SWT1: variants seen among roughly 807,000 people sequenced by gnomAD.
The protein encoded by SWT1 is SWT1 RNA endoribonuclease homolog, also known as transcriptional protein SWT1.
SWT1 carries 33 observed loss-of-function variants against 107.3 expected under a neutral mutation model. That is an observed-to-expected ratio of 0.31 (90% CI 0.23 to 0.41). The LOEUF is 0.41. SWT1 is among the 10% of genes least tolerant of loss of function. The pLI is 1.00. For missense variants in SWT1, 898 were observed against 1,028.9 expected (o/e 0.87, Z 1.74); for synonymous variants, 345 against 348.3 (o/e 0.99, Z 0.11).
intron 16 of SWT1, among the ~76,000 whole-genome samples, chr1:185,257,317 A>C (rs1172992840): frequency 7.9e-5 from 12 of 152,040 alleles, no homozygotes; most frequent in Middle Eastern, 3.4e-3. Context: ...ACCCAGTTCG[A>C]GCTTCCTGGC....
intron 9 of SWT1, among the ~76,000 whole-genome samples, chr1:185,189,096 G>A (rs920180055): frequency 1.3e-5 from 2 of 151,806 alleles, no homozygotes; most frequent in African/African-American, 2.4e-5. Context: ...CTCCCTCCTC[G>A]GCCTCCTGAG....
intron 16 of SWT1, among the ~76,000 whole-genome samples, chr1:185,258,601 G>A (rs1014250412): frequency 2.6e-5 from 4 of 151,950 alleles, no homozygotes; most frequent in Non-Finnish European, 5.9e-5. Flanking sequence ...ATTCTAGATT[G>A]ACTATTATTT....
chr1:185,163,539 A>G (rs1444920190), intron 2 of SWT1, among the ~76,000 whole-genome samples: 1 of 151,748 alleles, frequency 6.6e-6, no homozygotes, highest in Admixed American at 6.6e-5. Context: ...GACTACAGGC[A>G]CCCGCCACCA....
At chr1:185,264,378 C>G in intron 16 of SWT1, 1 of 985,164 alleles carries the variant, frequency 1.0e-6, no homozygotes, top group South Asian at 4.7e-5. Context: ...CTGGAGATGC[C>G]TTATGAGAAG....
chr1:185,190,457 A>G (rs1656860772), intron 9 of SWT1, 92 bp from the exon 10 acceptor site: 2 of 712,018 alleles, frequency 2.8e-6, no homozygotes, highest in South Asian at 1.6e-5. Context: ...AATCTCTTAG[A>G]TATTTTTGTT....
Position 185,168,375 on chromosome 1 carries a change from A to G in SWT1, c.201A>G (p.Ile67Met), listed in dbSNP as rs999281243. 3 of 1,384,024 alleles carry G rather than the reference A, an allele frequency of 2.2e-6. No individual in the cohort carries two copies. Among genetic ancestry groups the G allele is most frequent in the Non-Finnish European group, 2.9e-6 (3 of 1,031,904 alleles). The allele number at this position is 1,384,024 out of a possible 1,614,324, so 85.7% of individuals were successfully genotyped here. ...ATACAGATGTTCTGTACTATAATAT[A>G]AAAAGAAGACAAGGACTGAAAAGGT... ...SDHTDVLYYN[I>M]KRRQGLKRLS... Residue 67 changes from isoleucine to methionine, a missense_variant, in exon 4 of 19, where the codon ATA becomes ATG. By Grantham distance (10) the Ile-to-Met change is conservative. This residue lies in a region of SWT1 where 382 missense variants were observed against 362.4 expected (regional missense o/e 1.05). Coordinates refer to ENST00000367500, the MANE Select transcript of SWT1 (RefSeq NM_017673.7).
At chr1:185,194,441 C>T (rs572215865) in intron 10 of SWT1, among the ~76,000 whole-genome samples, 1 of 151,602 alleles carries the variant, frequency 6.6e-6, no homozygotes, top group African/African-American at 2.4e-5. Context: ...AAAAAAACTT[C>T]TTATGGTTGT....
chr1:185,253,139 T>C (rs1339516042), intron 16 of SWT1, among the ~76,000 whole-genome samples: 3 of 145,568 alleles, frequency 2.1e-5, no homozygotes, highest in African/African-American at 7.8e-5. Context: ...TCCATTGATC[T>C]ATATCTCTGT....
intron 13 of SWT1, among the ~76,000 whole-genome samples, chr1:185,209,704 T>C (rs1181280886): frequency 1.3e-5 from 2 of 152,212 alleles, no homozygotes; most frequent in Non-Finnish European, 2.9e-5. Context: ...TATGTCTTTA[T>C]GGTAGAATGA....
At position 185,289,468 on chromosome 1, in the gene SWT1, T is replaced by C. The variant is rs190003042; in HGVS notation, c.2574-1206T>C. ...GAAATGGGCTTATGTTAAGATGTTT[T>C]AATCCAAGGGGTAAGCCACACAGTT... On this transcript the variant is annotated intron_variant, in intron 18 of 18. Transcript: ENST00000367500. 9.8e-5 allele frequency among the ~76,000 whole-genome samples: 15 copies of C among 152,354 alleles called. No individual in the cohort carries two copies. In the East Asian group the frequency reaches 2.7e-3, roughly 27 times the overall value.
chr1:185,276,524 A>T (rs1461010164), intron 17 of SWT1, 80 bp from the exon 18 acceptor site: 1 of 728,344 alleles, frequency 1.4e-6, no homozygotes, highest in African/African-American at 1.8e-5. Flanking sequence ...CTTTCCTCTC[A>T]GAATATGGGC....
At chr1:185,209,601 C>A (rs192410994) in intron 13 of SWT1, among the ~76,000 whole-genome samples, 188 of 152,288 alleles carry the variant, frequency 1.2e-3, no homozygotes, top group African/African-American at 4.4e-3. Flanking sequence ...ATATGTGCCA[C>A]ATTTTCTTTA....
At chr1:185,212,382 G>A (rs186271386) in intron 13 of SWT1, among the ~76,000 whole-genome samples, 3 of 152,066 alleles carry the variant, frequency 2.0e-5, no homozygotes, top group Admixed American at 6.6e-5. Context: ...TGGCAGGGGG[G>A]TCTGCTCTTA....
At chr1:185,157,469 C>T (rs1182050337) in intron 1 of SWT1, 155 bp downstream of exon 1, 1 of 152,634 alleles carries the variant, frequency 6.6e-6, no homozygotes, top group Non-Finnish European at 1.5e-5. Flanking sequence ...CGGGGACGAG[C>T]CAGCTCCGTG....
rs1272743271 is a variant in SWT1 at position 185,204,687 on chromosome 1, A to G, written c.1670-13A>G. The G allele has an allele frequency of 2.6e-6, 4 of 1,519,634 alleles. No individual in the cohort carries two copies. The highest frequency in any genetic ancestry group is 3.6e-6 in the Non-Finnish European group (4 of 1,125,344). The allele number at this position is 1,519,634 out of a possible 1,614,324, so 94.1% of individuals were successfully genotyped here. ...AGCATTCTAAATAAAGTCTGTAACTATTTGTTTTAAAGAAACAACACCCTT... is the reference window on the plus strand; with the variant it reads ...AGCATTCTAAATAAAGTCTGTAACTGTTTGTTTTAAAGAAACAACACCCTT... On this transcript the variant is annotated splice_polypyrimidine_tract_variant and intron_variant, in intron 11 of 18. Coordinates refer to ENST00000367500, the MANE Select transcript of SWT1 (RefSeq NM_017673.7).
intron 18 of SWT1, among the ~76,000 whole-genome samples, chr1:185,286,326 C>T (rs1571718253): frequency 6.6e-6 from 1 of 152,104 alleles, no homozygotes; most frequent in East Asian, 1.9e-4. Context: ...TGGGTTCAAG[C>T]AATTTTCCTG....
intron 14 of SWT1, among the ~76,000 whole-genome samples, chr1:185,217,761 A>G (rs1182167249): frequency 2.0e-5 from 3 of 151,986 alleles, no homozygotes; most frequent in African/African-American, 4.8e-5. Flanking sequence ...ACACCTGGCT[A>G]ATTTTTGTAT....
chr1:185,282,794 G>A (rs1043156225), intron 18 of SWT1, among the ~76,000 whole-genome samples: 8 of 152,054 alleles, frequency 5.3e-5, no homozygotes, highest in African/African-American at 9.7e-5. Flanking sequence ...GGAGAATTGC[G>A]TGCTGTGTGG....
At chr1:185,274,011 A>G (rs1664067497) in intron 17 of SWT1, among the ~76,000 whole-genome samples, 2 of 152,172 alleles carry the variant, frequency 1.3e-5, no homozygotes, top group East Asian at 3.9e-4. Flanking sequence ...GCTCTAAAAT[A>G]TATATGAACA....
Sources: gnomAD v4.1 joint callset for allele counts (sites outside exome capture counted in the v4.1 genomes callset) on GRCh38, gnomAD v4.1.1 for gene constraint, gnomAD v4.1.1 regional missense constraint, MANE v1.5 for transcripts, NCBI Gene and HGNC (gene_info 2026-07-23, HGNC 2026-07-21) for gene names.